MAGI1: variants seen among roughly 807,000 people sequenced by gnomAD.
MAGI1 encodes membrane associated guanylate kinase, WW and PDZ domain containing 1.
Under a neutral mutation model 139.9 loss-of-function variants are expected in MAGI1, and 58 were observed. The observed-to-expected ratio is 0.41, with a 90% CI of 0.34 to 0.52. The LOEUF (loss-of-function observed/expected upper bound fraction) is 0.52, where lower values mean the gene tolerates loss of function less well. Among genes scored for constraint, MAGI1 ranks in the 20% least tolerant of loss-of-function variants. MAGI1 has a pLI of 0.12. For synonymous variants in MAGI1, 812 were observed against 737.9 expected, an observed-to-expected ratio of 1.10 and a Z score of -1.63; for missense variants, 1,874 against 1,901.6, an observed-to-expected ratio of 0.99 and a Z score of 0.27.
chr3:65,423,829 T>C (rs900649412), intron 12 of MAGI1, among the ~76,000 whole-genome samples: 6 of 152,238 alleles, frequency 3.9e-5, no homozygotes, highest in African/African-American at 1.2e-4. Flanking sequence ...GAAGCATGCC[T>C]GGCACACTGT....
chr3:65,392,402 C>T (rs1192230016), intron 13 of MAGI1, among the ~76,000 whole-genome samples: 3 of 152,114 alleles, frequency 2.0e-5, no homozygotes, highest in African/African-American at 7.2e-5. Context: ...ACCATAGACA[C>T]CATGTCACTA....
At chr3:65,516,015 C>A (rs1421629894) in intron 2 of MAGI1, among the ~76,000 whole-genome samples, 1 of 152,098 alleles carries the variant, frequency 6.6e-6, no homozygotes. Context: ...CAATTTCTTG[C>A]CCTAGTTTTC....
At chr3:65,985,748 G>A (rs935949843) in intron 1 of MAGI1, among the ~76,000 whole-genome samples, 1 of 152,196 alleles carries the variant, frequency 6.6e-6, no homozygotes. Context: ...AGGAGAGGGG[G>A]TGGTTTTCAG....
At chr3:65,860,378 A>C (rs2059515103) in intron 1 of MAGI1, among the ~76,000 whole-genome samples, 1 of 152,204 alleles carries the variant, frequency 6.6e-6, no homozygotes, top group South Asian at 2.1e-4. Context: ...TTTGACAAAT[A>C]TGTGATTGTA....
chr3:65,684,272 A>C (rs1287687111), intron 1 of MAGI1, among the ~76,000 whole-genome samples: 1 of 152,084 alleles, frequency 6.6e-6, no homozygotes, highest in Non-Finnish European at 1.5e-5. Context: ...AATTAAAAAA[A>C]ACAACTGCAA....
At chr3:65,471,814 A>C (rs1011307037) in intron 4 of MAGI1, among the ~76,000 whole-genome samples, 1 of 152,198 alleles carries the variant, frequency 6.6e-6, no homozygotes, top group African/African-American at 2.4e-5. Flanking sequence ...GATTTACTGG[A>C]ACCATGAAGC....
chr3:65,843,373 C>T (rs1054538181), intron 1 of MAGI1, among the ~76,000 whole-genome samples: 5 of 152,172 alleles, frequency 3.3e-5, no homozygotes. Context: ...GCCCAACTGA[C>T]AGTCTGACTG....
rs2034732029 is a variant in MAGI1, at chr3:65,736,376, T to C, written c.314-114288A>G. Among the ~76,000 whole-genome samples, 3 of 152,084 alleles carry C rather than the reference T, an allele frequency of 2.0e-5. No homozygotes were observed. The South Asian group carries it at 6.2e-4, about 32-fold the overall frequency. ...GGGCTCTCCAGAGAAACAGAACCAA[T>C]AGGACATATATATACAGATATATAA... is the stretch of plus-strand genomic sequence containing the variant. On this transcript the variant is annotated intron_variant, in intron 1 of 22. Transcript: ENST00000402939.
chr3:65,692,018 T>G (rs762726452), intron 1 of MAGI1, among the ~76,000 whole-genome samples: 2 of 152,160 alleles, frequency 1.3e-5, no homozygotes, highest in African/African-American at 2.4e-5. Flanking sequence ...AAAGTCAAAA[T>G]TTAAATATTC....
rs149305164 is a variant in MAGI1 at position 65,794,012 on chromosome 3, C to T, written c.314-171924G>A. 9.4e-3 allele frequency among the ~76,000 whole-genome samples: 1,428 copies of T among 152,232 alleles called. 22 individuals carry two copies. The highest frequency in any genetic ancestry group is 0.033 in the African/African-American group (1,359 of 41,536). ...CAAACCCACTGCCTTCCTTTTTCCT[C>T]GGAGCAAGACAGCCACCATATCTGT... On this transcript the variant is annotated intron_variant, in intron 1 of 22. Transcript: ENST00000402939.
At chr3:65,991,744 G>A (rs1396780594) in intron 1 of MAGI1, among the ~76,000 whole-genome samples, 1 of 152,200 alleles carries the variant, frequency 6.6e-6, no homozygotes, top group Admixed American at 6.5e-5. Flanking sequence ...GCCAGGCACG[G>A]TGGCTCGTGA....
chr3:65,751,397 A>G (rs2036140235), intron 1 of MAGI1, among the ~76,000 whole-genome samples: 1 of 152,208 alleles, frequency 6.6e-6, no homozygotes. Flanking sequence ...AGCTTCAAAG[A>G]GCACACAGTG....
chr3:65,621,834 C>A (rs1360479695), intron 2 of MAGI1, 138 bp downstream of exon 2: 3 of 613,004 alleles, frequency 4.9e-6, no homozygotes, highest in African/African-American at 3.7e-5. Flanking sequence ...TTATGATTTG[C>A]TTGAGTTAAG....
intron 8 of MAGI1, among the ~76,000 whole-genome samples, chr3:65,441,736 T>C (rs1248358761): frequency 2.0e-5 from 3 of 152,168 alleles, no homozygotes; most frequent in African/African-American, 7.2e-5. Flanking sequence ...CAAGTTTGCC[T>C]CTCTGATGCC....
At chr3:65,964,216 A>C (rs769927858) in intron 1 of MAGI1, among the ~76,000 whole-genome samples, 77 of 152,288 alleles carry the variant, frequency 5.1e-4, no homozygotes, top group Admixed American at 2.1e-3. Flanking sequence ...TAATTACCTT[A>C]GCGTCAGAGA....
chr3:65,884,010 A>C (rs1427308518), intron 1 of MAGI1, among the ~76,000 whole-genome samples: 4 of 152,238 alleles, frequency 2.6e-5, no homozygotes, highest in African/African-American at 9.6e-5. Flanking sequence ...AGAAAGAAGG[A>C]AAATGAAATG....
intron 12 of MAGI1, among the ~76,000 whole-genome samples, chr3:65,407,215 G>A (rs1342388362): frequency 6.6e-6 from 1 of 152,136 alleles, no homozygotes; most frequent in Non-Finnish European, 1.5e-5. Flanking sequence ...GGGAGGCTGA[G>A]GCAAGTGGAT....
intron 1 of MAGI1, among the ~76,000 whole-genome samples, chr3:65,949,628 A>T (rs955642468): frequency 4.6e-5 from 7 of 152,220 alleles, no homozygotes; most frequent in African/African-American, 1.7e-4. Context: ...TTTCTCTCCA[A>T]AGTGCTAAGA....
At chr3:65,722,675 G>A (rs1221565346) in intron 1 of MAGI1, among the ~76,000 whole-genome samples, 1 of 150,174 alleles carries the variant, frequency 6.7e-6, no homozygotes, top group Non-Finnish European at 1.5e-5. Flanking sequence ...TTTCTACATG[G>A]TTGTTAAACT....
Sources: gnomAD v4.1 joint callset for allele counts (sites outside exome capture counted in the v4.1 genomes callset) on GRCh38, gnomAD v4.1.1 for gene constraint, MANE v1.5 for transcripts, NCBI Gene and HGNC (gene_info 2026-07-23, HGNC 2026-07-21) for gene names.